The following WDR76 variants were observed in gnomAD, a reference collection of about 807,000 sequenced individuals.
WDR76 encodes WD repeat-containing protein 76.
A neutral mutation model predicts 70.2 loss-of-function variants in WDR76; 52 were observed. The observed-to-expected ratio is 0.74, with a 90% confidence interval of 0.59 to 0.93. WDR76 has a LOEUF of 0.93. Among genes scored for constraint, WDR76 ranks in the 40% least tolerant of loss-of-function variants. The pLI is 0.00. For synonymous variants in WDR76, 292 were observed against 271.1 expected, an observed-to-expected ratio of 1.08 and a Z score of -0.76; for missense variants, 756 against 760.2, an observed-to-expected ratio of 0.99 and a Z score of 0.07.
intron 9 of WDR76, among the ~76,000 whole-genome samples, chr15:43,852,140 G>A (rs1446790616): frequency 1.3e-5 from 2 of 152,162 alleles, no homozygotes; most frequent in African/African-American, 4.8e-5. Context: ...TTGCTTAACT[G>A]TATCAGATTG....
intron 2 of WDR76, among the ~76,000 whole-genome samples, chr15:43,833,578 C>G (rs1213531126): frequency 1.3e-5 from 2 of 151,756 alleles, no homozygotes; most frequent in African/African-American, 2.4e-5. Flanking sequence ...CTCTGCCTCC[C>G]AAAGTGCTGG....
intron 2 of WDR76, among the ~76,000 whole-genome samples, chr15:43,831,606 T>C (rs2087589536): frequency 6.6e-6 from 1 of 151,992 alleles, no homozygotes; most frequent in Non-Finnish European, 1.5e-5. Context: ...GCCTAGCTAA[T>C]TTTTTGTATT....
At chr15:43,829,774 G>A (rs2087564224) in intron 2 of WDR76, among the ~76,000 whole-genome samples, 1 of 151,938 alleles carries the variant, frequency 6.6e-6, no homozygotes, top group Non-Finnish European at 1.5e-5. Flanking sequence ...CCAAAGTGCT[G>A]GAATTACAGG....
chr15:43,829,478 G>T (rs1195918867), intron 2 of WDR76, among the ~76,000 whole-genome samples: 1 of 150,368 alleles, frequency 6.7e-6, no homozygotes, highest in African/African-American at 2.5e-5. Context: ...TGGACTTGGG[G>T]TTGAGAGCCT....
intron 2 of WDR76, among the ~76,000 whole-genome samples, chr15:43,833,623 CTT>C (rs796378317): frequency 7.3e-6 from 1 of 137,812 alleles, no homozygotes; most frequent in Admixed American, 7.3e-5. Context: ...CCAGCCCTTT[CTT>C]TTTTTTTTTT....
intron 11 of WDR76, 39 bp downstream of exon 11, chr15:43,858,862 A>G (rs1360372408): frequency 2.5e-6 from 4 of 1,603,780 alleles, no homozygotes; most frequent in Middle Eastern, 1.7e-4. Flanking sequence ...GGGAATCTAA[A>G]GAGTCTATAG....
At chr15:43,849,620 C>G (rs1034582817) in intron 8 of WDR76, among the ~76,000 whole-genome samples, 1 of 151,998 alleles carries the variant, frequency 6.6e-6, no homozygotes, top group Non-Finnish European at 1.5e-5. Flanking sequence ...CTCACTGCAA[C>G]CTCTGCCTCC....
At chr15:43,849,662 T>C (rs2087832346) in intron 8 of WDR76, among the ~76,000 whole-genome samples, 1 of 152,096 alleles carries the variant, frequency 6.6e-6, no homozygotes, top group Non-Finnish European at 1.5e-5. Context: ...CTCAGCCTCC[T>C]GAGTAGCTGG....
In WDR76 at chr15:43,866,448, G is replaced by A; in HGVS notation, c.*56G>A. ...AATTGACCACTGTCTAAGGAGCCTA[G>A]TAATCGGCGTGCCTTAGTGTGTTTA... On this transcript the variant is annotated 3_prime_UTR_variant, in exon 13 of 13. Transcript: ENST00000263795. The A allele has an allele frequency of 6.3e-7, 1 of 1,590,970 alleles. No individual in the cohort carries two copies.
chr15:43,835,618 G>A (rs1017801951), intron 3 of WDR76, among the ~76,000 whole-genome samples: 1 of 151,894 alleles, frequency 6.6e-6, no homozygotes, highest in African/African-American at 2.4e-5. Flanking sequence ...AATAGGAAGA[G>A]GTTACTGTAC....
Position 43,846,620 on chromosome 15 carries a change from T to G in WDR76, c.1032+2566T>G, listed in dbSNP as rs906456461. Among the ~76,000 whole-genome samples the G allele has an allele frequency of 1.1e-4, 15 of 134,020 alleles. 1 individual carries two copies. The highest frequency in any genetic ancestry group is 3.5e-4 in the African/African-American group (14 of 40,108). 87.9% of individuals were successfully genotyped at this position (134,020 alleles called of 152,430 possible). ...TTGAAGAATTTTGCAAAGGAAAAATTGAAAATTAGCATGATTAAATGAAGG... is the reference window on the plus strand; with the variant it reads ...TTGAAGAATTTTGCAAAGGAAAAATGGAAAATTAGCATGATTAAATGAAGG... On this transcript the variant is annotated intron_variant, in intron 8 of 12. Coordinates refer to ENST00000263795, the MANE Select transcript of WDR76 (RefSeq NM_024908.4).
chr15:43,854,228 C>A (rs2087899985), intron 9 of WDR76, among the ~76,000 whole-genome samples: 1 of 152,072 alleles, frequency 6.6e-6, no homozygotes, highest in African/African-American at 2.4e-5. Flanking sequence ...AGCACATGTC[C>A]ACACAAAAAC....
chr15:43,846,731 C>T (rs1234312380), intron 8 of WDR76, among the ~76,000 whole-genome samples: 3 of 151,836 alleles, frequency 2.0e-5, no homozygotes, highest in African/African-American at 4.8e-5. Flanking sequence ...CTCCAAAAAT[C>T]TGTATTACAG....
At chr15:43,849,085 G>C (rs866558668) in intron 8 of WDR76, among the ~76,000 whole-genome samples, 21 of 150,508 alleles carry the variant, frequency 1.4e-4, no homozygotes, top group African/African-American at 4.9e-4. Flanking sequence ...TGAGACAGGA[G>C]AATCGCTTGA....
At chr15:43,843,616 T>C (rs779534659) in intron 7 of WDR76, among the ~76,000 whole-genome samples, 18 of 152,038 alleles carry the variant, frequency 1.2e-4, no homozygotes, top group Non-Finnish European at 2.4e-4. Flanking sequence ...TCAAAGGTCT[T>C]TTTTTTTCTT....
At chr15:43,846,839 A>G (rs2087794854) in intron 8 of WDR76, among the ~76,000 whole-genome samples, 1 of 152,124 alleles carries the variant, frequency 6.6e-6, no homozygotes, top group South Asian at 2.1e-4. Flanking sequence ...CCTGAACAAC[A>G]TGATGAAATC....
At chr15:43,828,408 G>A in intron 2 of WDR76, 42 bp downstream of exon 2, 2 of 1,534,388 alleles carry the variant, frequency 1.3e-6, no homozygotes, top group Non-Finnish European at 1.7e-6. Context: ...TCTCTTTTTT[G>A]AAATTTGAAG....
intron 11 of WDR76, 124 bp downstream of exon 11, chr15:43,858,947 C>A: frequency 8.1e-7 from 1 of 1,237,082 alleles, no homozygotes; most frequent in Non-Finnish European, 1.1e-6. Context: ...GTTTAGTAGT[C>A]ATATGTAGGT....
chr15:43,849,694 C>A (rs1334349121), intron 8 of WDR76, among the ~76,000 whole-genome samples: 1 of 152,108 alleles, frequency 6.6e-6, no homozygotes, highest in Non-Finnish European at 1.5e-5. Flanking sequence ...TCTGCCACCA[C>A]GCCCGGCTAA....
Sources: allele counts gnomAD v4.1 joint callset (sites outside exome capture counted in the v4.1 genomes callset), GRCh38; gene constraint gnomAD v4.1.1; transcripts MANE v1.5; gene names NCBI Gene and HGNC (gene_info 2026-07-23, HGNC 2026-07-21).